Variants in STX18 observed in about 807,000 individuals in gnomAD.
STX18 encodes syntaxin 18.
STX18 carries 40 observed loss-of-function variants against 50.1 expected under a neutral mutation model. The ratio of observed to expected loss-of-function variants is 0.80; its 90% CI spans 0.62 to 1.04. The LOEUF (loss-of-function observed/expected upper bound fraction) is 1.04, where lower values mean the gene tolerates loss of function less well. Among genes scored for constraint, STX18 ranks in the 50% least tolerant of loss-of-function variants. The pLI is 0.00. For missense variants in STX18, 410 were observed against 415.8 expected, an observed-to-expected ratio of 0.99 and a Z score of 0.12; for synonymous variants, 158 against 151.8, an observed-to-expected ratio of 1.04 and a Z score of -0.30.
intron 1 of STX18, among the ~76,000 whole-genome samples, chr4:4,538,402 G>T (rs1193020145): frequency 6.6e-6 from 1 of 152,172 alleles, no homozygotes; most frequent in Non-Finnish European, 1.5e-5. Context: ...AATGCAGACA[G>T]TACTTCTGCA....
intron 1 of STX18, among the ~76,000 whole-genome samples, chr4:4,510,362 C>T (rs1039849070): frequency 9.2e-5 from 14 of 152,166 alleles, no homozygotes; most frequent in African/African-American, 3.1e-4. Flanking sequence ...AATCTTAAAT[C>T]TGGGTCTTAA....
intron 1 of STX18, among the ~76,000 whole-genome samples, chr4:4,477,564 A>AT (rs1728249996): frequency 6.6e-6 from 1 of 152,220 alleles, no homozygotes; most frequent in Non-Finnish European, 1.5e-5. Context: ...CAGTGACAGC[A>AT]TCATGGCTGC....
intron 1 of STX18, among the ~76,000 whole-genome samples, chr4:4,480,504 T>C (rs1409447941): frequency 6.6e-6 from 1 of 152,230 alleles, no homozygotes; most frequent in African/African-American, 2.4e-5. Flanking sequence ...AGGATCCATC[T>C]TGCAAATACA....
intron 2 of STX18, among the ~76,000 whole-genome samples, chr4:4,463,548 A>T (rs775583626): frequency 2.0e-5 from 3 of 152,206 alleles, no homozygotes; most frequent in Admixed American, 6.5e-5. Context: ...ACTTTGCTGG[A>T]TTTCTTTTCA....
chr4:4,479,189 C>T (rs1728341626), intron 1 of STX18, among the ~76,000 whole-genome samples: 1 of 152,144 alleles, frequency 6.6e-6, no homozygotes, highest in Non-Finnish European at 1.5e-5. Context: ...GCTATGCATC[C>T]GATTTGCTTC....
chr4:4,526,200 G>T (rs999254774), intron 1 of STX18, among the ~76,000 whole-genome samples: 3 of 152,300 alleles, frequency 2.0e-5, no homozygotes, highest in Middle Eastern at 3.4e-3. Flanking sequence ...GGGACTGAGG[G>T]CTCACCGTTA....
chr4:4,425,183 T>G lies in STX18; in HGVS notation c.742A>C (p.Ser248Arg). The G allele has an allele frequency of 1.9e-6, 3 of 1,614,156 alleles. No individual in the cohort carries two copies. Among genetic ancestry groups the G allele is most frequent in the Non-Finnish European group, 2.5e-6 (3 of 1,179,978 alleles). Residue 248 changes from serine (S) to arginine (R), a missense_variant, in exon 8 of 11, where the codon AGC becomes CGC. Transcript: ENST00000306200. ...ACATACCTCACTTCATCAAACAAGC[T>G]GTTCATTTCACCAATTAGTCGCTGA... is the stretch of plus-strand genomic sequence containing the variant. ...ENQRLIGEMN[S>R]LFDEVRQIEG...
rs1350723586 is a variant in STX18, at chr4:4,459,083, C to T, written c.352+289G>A. On this transcript the variant is annotated intron_variant, in intron 3 of 10. Transcript: ENST00000306200. ...ACACGCACACACACACACACACACA[C>T]ACACACAAATTTGTCTTCACTGCCC... 6.6e-6 allele frequency among the ~76,000 whole-genome samples: 1 copy of T among 151,710 alleles called. No individual in the cohort carries two copies. Among genetic ancestry groups the T allele is most frequent in the Non-Finnish European group, 1.5e-5 (1 of 67,926 alleles).
At chr4:4,437,140 G>C (rs757309909) in intron 6 of STX18, among the ~76,000 whole-genome samples, 23 of 152,102 alleles carry the variant, frequency 1.5e-4, no homozygotes, top group Non-Finnish European at 2.5e-4. Flanking sequence ...TGTATTTTTA[G>C]TAGAGATGGG....
At chr4:4,423,051 G>A (rs1725049158) in intron 9 of STX18, among the ~76,000 whole-genome samples, 1 of 152,348 alleles carries the variant, frequency 6.6e-6, no homozygotes, top group African/African-American at 2.4e-5. Context: ...CGTTGTGAGA[G>A]GCCTGGGTCT....
intron 1 of STX18, among the ~76,000 whole-genome samples, chr4:4,481,069 C>T (rs1383877400): frequency 3.9e-5 from 6 of 152,180 alleles, no homozygotes; most frequent in Non-Finnish European, 2.9e-5. Context: ...TTATGTGTCA[C>T]CCACAGAACA....
intron 8 of STX18, among the ~76,000 whole-genome samples, chr4:4,424,815 C>A (rs1725159022): frequency 6.6e-6 from 1 of 152,066 alleles, no homozygotes; most frequent in Admixed American, 6.5e-5. Context: ...GGTTAGCTGC[C>A]CTTCATAAGG....
intron 1 of STX18, among the ~76,000 whole-genome samples, chr4:4,506,534 C>A (rs532223916): frequency 1.7e-4 from 26 of 152,086 alleles, no homozygotes; most frequent in Non-Finnish European, 3.1e-4. Context: ...TGACCACAAA[C>A]GGACAGCATG....
intron 1 of STX18, among the ~76,000 whole-genome samples, chr4:4,531,424 A>C (rs1195132522): frequency 2.0e-5 from 3 of 152,210 alleles, no homozygotes; most frequent in Admixed American, 6.5e-5. Flanking sequence ...TATTACTAGA[A>C]ACTCTTTTTG....
Position 4,459,470 on chromosome 4 carries a change from T to C in STX18, c.254A>G (p.Tyr85Cys), listed in dbSNP as rs780355183. 1.2e-6 allele frequency: 2 copies of C among 1,613,558 alleles called. No homozygotes were observed. Among genetic ancestry groups the C allele is most frequent in the Non-Finnish European group, 1.7e-6 (2 of 1,179,542 alleles). The change falls in exon 3 of 11, where the codon TAT becomes TGT. Residue 85 changes from tyrosine to cysteine, a missense_variant. By Grantham distance (194) the Tyr-to-Cys change is radical. Coordinates refer to ENST00000306200, the MANE Select transcript of STX18 (RefSeq NM_016930.4). ...TCGTTCTGTGTCTGTCATCCTCCCA[T>C]ATTCAGACATGGTATGGCTAAAAAA... ...INAYSHTMSE[Y>C]GRMTDTERDQ...
intron 1 of STX18, among the ~76,000 whole-genome samples, chr4:4,518,329 C>G (rs1389273155): frequency 6.6e-6 from 1 of 152,196 alleles, no homozygotes; most frequent in Admixed American, 6.5e-5. Context: ...TCCTTACTCT[C>G]CTGAGAGCTC....
intron 3 of STX18, among the ~76,000 whole-genome samples, chr4:4,457,920 C>CA (rs1727169012): frequency 6.6e-6 from 1 of 152,172 alleles, no homozygotes; most frequent in South Asian, 2.1e-4. Flanking sequence ...CTTGGCCACT[C>CA]ACATTCTAAG....
rs1452585136 is a variant in STX18, at chr4:4,425,497, C to G, written c.703-275G>C. 26 of 556,780 alleles carry G rather than the reference C, an allele frequency of 4.7e-5. No individual in the cohort carries two copies. The East Asian group carries it at 7.7e-4, about 16-fold the overall frequency. 34.5% of individuals were successfully genotyped at this position (556,780 alleles called of 1,614,324 possible). ...TACAAGCTGACTGCTATGGCTGTAG[C>G]TGTATCTACCTACCCGCTCTCCCCT... On this transcript the variant is annotated intron_variant, in intron 7 of 10. Coordinates refer to ENST00000306200, the MANE Select transcript of STX18 (RefSeq NM_016930.4).
intron 1 of STX18, among the ~76,000 whole-genome samples, chr4:4,521,940 CTTAA>C (rs1266087336): frequency 2.6e-5 from 4 of 152,154 alleles, no homozygotes; most frequent in African/African-American, 9.7e-5. Context: ...CTGACCACAA[CTTAA>C]TTATCTGCAG....
Sources: gnomAD v4.1 joint callset for allele counts (sites outside exome capture counted in the v4.1 genomes callset) on GRCh38, gnomAD v4.1.1 for gene constraint, MANE v1.5 for transcripts, NCBI Gene and HGNC (gene_info 2026-07-23, HGNC 2026-07-21) for gene names.